BLTP3B: variants seen among roughly 807,000 people sequenced by gnomAD.
BLTP3B encodes the protein UHRF1 (ICBP90) binding protein 1-like.
the BLTP3B span, among the ~76,000 whole-genome samples, chr12:100,048,402 A>T: frequency 6.6e-6 from 1 of 151,856 alleles, no homozygotes; most frequent in Non-Finnish European, 1.5e-5. Context: ...ATTTTTCTGT[A>T]TTTTCTGTTT....
At chr12:100,038,083 T>C in the BLTP3B span, among the ~76,000 whole-genome samples, 1 of 152,204 alleles carries the variant, frequency 6.6e-6, no homozygotes, top group Non-Finnish European at 1.5e-5. Flanking sequence ...GCCTCTCTCC[T>C]TTTTCTGGCT....
At chr12:100,059,620 T>C in the BLTP3B span, 5 of 1,398,148 alleles carry the variant, frequency 3.6e-6, no homozygotes, top group Non-Finnish European at 4.7e-6. Context: ...CAGAAATTCT[T>C]TTTCTTGACC....
the BLTP3B span, chr12:100,069,825 C>T: frequency 1.9e-6 from 1 of 513,024 alleles, no homozygotes; most frequent in Non-Finnish European, 2.5e-6. Flanking sequence ...ACTTATGTAA[C>T]AAAACACCAC....
chr12:100,124,171 G>GTCA, the BLTP3B span, among the ~76,000 whole-genome samples: 1 of 151,826 alleles, frequency 6.6e-6, no homozygotes, highest in Non-Finnish European at 1.5e-5. Flanking sequence ...CTACTTCAGA[G>GTCA]GCTGAGACAG....
At chr12:100,084,456 T>C in the BLTP3B span, 1 of 1,600,164 alleles carries the variant, frequency 6.2e-7, no homozygotes, top group Non-Finnish European at 8.5e-7. Flanking sequence ...ATTAGGGGAA[T>C]GCTATTATAG....
At chr12:100,044,100 T>C in the BLTP3B span, among the ~76,000 whole-genome samples, 1 of 152,266 alleles carries the variant, frequency 6.6e-6, no homozygotes, top group Non-Finnish European at 1.5e-5. Flanking sequence ...TTTGTTTTGT[T>C]TTTTTTAATA....
chr12:100,049,245 C>T, the BLTP3B span, among the ~76,000 whole-genome samples: 1 of 152,092 alleles, frequency 6.6e-6, no homozygotes, highest in African/African-American at 2.4e-5. Flanking sequence ...CTCATATAAC[C>T]TTTAAGATAA....
At chr12:100,108,642 G>C in the BLTP3B span, 69 of 1,032,386 alleles carry the variant, frequency 6.7e-5, no homozygotes, top group African/African-American at 1.1e-3. Context: ...AAATATAATA[G>C]GAGTGGACAC....
the BLTP3B span, among the ~76,000 whole-genome samples, chr12:100,077,115 C>T: frequency 6.6e-6 from 1 of 152,068 alleles, no homozygotes; most frequent in African/African-American, 2.4e-5. Context: ...ACATTTCTGC[C>T]AATGACAGGC....
chr12:100,069,153 A>T, the BLTP3B span, among the ~76,000 whole-genome samples: 1 of 152,172 alleles, frequency 6.6e-6, no homozygotes. Context: ...TGGAGGTTAC[A>T]GTGAGCCTAG....
chr12:100,077,032 C>T, the BLTP3B span, among the ~76,000 whole-genome samples: 1 of 152,106 alleles, frequency 6.6e-6, no homozygotes, highest in African/African-American at 2.4e-5. Flanking sequence ...CTCATTTCCA[C>T]ATAAATTTAT....
chr12:100,118,210 C>A, the BLTP3B span, among the ~76,000 whole-genome samples: 1 of 151,950 alleles, frequency 6.6e-6, no homozygotes, highest in African/African-American at 2.4e-5. Context: ...TGGCTGGGCA[C>A]GGTGGCTTAT....
the BLTP3B span, among the ~76,000 whole-genome samples, chr12:100,138,866 T>TACACAC: frequency 3.8e-3 from 574 of 150,702 alleles, 1 homozygote; most frequent in Non-Finnish European, 6.2e-3. Flanking sequence ...CACATACACA[T>TACACAC]ACACACACAC....
At chr12:100,072,252 ACT>A in the BLTP3B span, among the ~76,000 whole-genome samples, 2 of 151,802 alleles carry the variant, frequency 1.3e-5, no homozygotes, top group Non-Finnish European at 2.9e-5. Flanking sequence ...ACAGAGCGAG[ACT>A]CTGCCTTGAA....
At chr12:100,050,558 T>C in the BLTP3B span, among the ~76,000 whole-genome samples, 299 of 152,274 alleles carry the variant, frequency 2.0e-3, no homozygotes, top group African/African-American at 6.8e-3. Context: ...AGACATAATA[T>C]ATTTTTCAAG....
the BLTP3B span, among the ~76,000 whole-genome samples, chr12:100,072,099 A>G: frequency 1.3e-5 from 2 of 152,172 alleles, no homozygotes; most frequent in Non-Finnish European, 2.9e-5. Flanking sequence ...TGTCTCTAGT[A>G]AAACACAGAA....
the BLTP3B span, among the ~76,000 whole-genome samples, chr12:100,081,583 G>C: frequency 1.4e-4 from 21 of 152,090 alleles, no homozygotes; most frequent in African/African-American, 5.1e-4. Flanking sequence ...CCACCCTCAA[G>C]TAAGACCCCA....
At chr12:100,136,630 G>A in the BLTP3B span, among the ~76,000 whole-genome samples, 2 of 152,074 alleles carry the variant, frequency 1.3e-5, no homozygotes, top group African/African-American at 4.8e-5. Context: ...TGTGAAGTTA[G>A]CATTTGAAAA....
At chr12:100,074,936 G>C in the BLTP3B span, among the ~76,000 whole-genome samples, 3 of 151,952 alleles carry the variant, frequency 2.0e-5, no homozygotes, top group Admixed American at 6.6e-5. Flanking sequence ...AATGGGGAAA[G>C]GACACCCTAT....
Sources: gnomAD v4.1 joint callset for allele counts (sites outside exome capture counted in the v4.1 genomes callset) on GRCh38, gnomAD v4.1.1 for gene constraint, MANE v1.5 for transcripts, NCBI Gene and HGNC (gene_info 2026-07-23, HGNC 2026-07-21) for gene names.